Variants in PFAS observed in about 807,000 individuals in gnomAD.
The protein encoded by PFAS is FGAM synthase.
In PFAS, 97 loss-of-function variants were observed where a neutral mutation model predicts 140.6. That is an observed-to-expected ratio of 0.69 (90% CI 0.59 to 0.82). PFAS has a LOEUF of 0.82. PFAS is among the 40% of genes least tolerant of loss of function. The pLI is 0.00. For missense variants in PFAS, 1,656 were observed against 1,780.2 expected, an observed-to-expected ratio of 0.93 and a Z score of 1.26; for synonymous variants, 679 against 718.8, an observed-to-expected ratio of 0.94 and a Z score of 0.88.
chr17:8,255,734 G>C, intron 5 of PFAS, 43 bp downstream of exon 5: 11 of 1,604,962 alleles, frequency 6.9e-6, no homozygotes, highest in Non-Finnish European at 8.5e-6. Context: ...GGATAGGCCA[G>C]TAGGGGTGCT....
rs78296773 is a variant in PFAS, at chr17:8,264,644, G to T, written c.2049+43G>T. The T allele has an allele frequency of 0.2, 307,357 of 1,548,918 alleles. 33,439 individuals are homozygous for T. The highest frequency in any genetic ancestry group is 0.23 in the Non-Finnish European group (259,441 of 1,145,362). On this transcript the variant is annotated intron_variant, in intron 17 of 27. Transcript: ENST00000314666. ...CCTCTGCCCCCTGCCTCCTTCCTCCGCTCAGCCTCTTCTGCCCTCCCACCC... is the reference window on the plus strand; with the variant it reads ...CCTCTGCCCCCTGCCTCCTTCCTCCTCTCAGCCTCTTCTGCCCTCCCACCC...
chr17:8,264,741 C>A, intron 17 of PFAS, 140 bp downstream of exon 17: 1 of 1,030,120 alleles, frequency 9.7e-7, no homozygotes, highest in Non-Finnish European at 1.4e-6. Context: ...ACCCTGATGG[C>A]CTGGTCTCCC....
chr17:8,263,300 G>A (rs73247054), intron 13 of PFAS, 35 bp downstream of exon 13: 2 of 1,610,736 alleles, frequency 1.2e-6, no homozygotes, highest in African/African-American at 2.7e-5. Flanking sequence ...GACTGGGCCT[G>A]CCTGGTATCC....
chr17:8,262,168 A>G (rs1989619786), intron 11 of PFAS, among the ~76,000 whole-genome samples: 1 of 152,166 alleles, frequency 6.6e-6, no homozygotes, highest in South Asian at 2.1e-4. Flanking sequence ...AAATAATTTC[A>G]TATTGATGAA....
Position 8,267,639 on chromosome 17 carries a change from A to G in PFAS, c.3356A>G (p.Tyr1119Cys), listed in dbSNP as rs201172546. The G allele has an allele frequency of 1.9e-6, 3 of 1,606,682 alleles. No individual in the cohort carries two copies. The highest frequency in any genetic ancestry group is 1.7e-6 in the Non-Finnish European group (2 of 1,173,326). ...GTGGCCTTCGTGGGCGGCTTCAGCT[A>G]TGCAGATGTCCTGGGCTCTGCCAAA... Reference protein sequence around the residue: ...RGVAFVGGFSYADVLGSAKGW... With the variant: ...RGVAFVGGFSCADVLGSAKGW... The change falls in exon 26 of 28, where the codon TAT becomes TGT. Residue 1119 changes from tyrosine (Y) to cysteine (C), a missense_variant. Coordinates refer to ENST00000314666, the MANE Select transcript of PFAS (RefSeq NM_012393.3). The surrounding 1 kb of genome is among the most constrained non-coding windows in gnomAD (Gnocchi z 4.9).
chr17:8,253,981 A>G lies in PFAS; in HGVS notation c.44A>G (p.Glu15Gly). 1 of 1,614,026 alleles carries G rather than the reference A, an allele frequency of 6.2e-7. No homozygotes were observed. The highest frequency in any genetic ancestry group is 8.5e-7 in the Non-Finnish European group (1 of 1,179,978). Residue 15 changes from glutamate (E) to glycine (G), a missense_variant, in exon 2 of 28, where the codon GAG (glutamate) becomes GGG (glycine). Glu to Gly is a moderately conservative substitution (Grantham distance 98). This residue lies in a region of PFAS where 773 missense variants were observed against 757.3 expected (regional missense o/e 1.02). Transcript: ENST00000314666. The part of the protein sequence containing the change: ...LHFYVRPSGH[E>G]GAAPGHTRRK... ...TTCTATGTTCGTCCCTCTGGCCATG[A>G]GGGGGCAGCCCCTGGACACACTCGG...
chr17:8,264,385 C>G (rs763009665), intron 16 of PFAS, 48 bp downstream of exon 16: 1 of 1,612,196 alleles, frequency 6.2e-7, no homozygotes, highest in Non-Finnish European at 8.5e-7. Context: ...CTCTCCACAC[C>G]ACCCTTTACC....
chr17:8,256,216 G>A lies in PFAS; in HGVS notation c.681-51G>A, dbSNP rs543836971. ...TGCTGGTGAGAAGACATGGCATTAAGAAATGACCCCGTTTCCACCTGCCTT... is the reference window on the plus strand; with the variant it reads ...TGCTGGTGAGAAGACATGGCATTAAAAAATGACCCCGTTTCCACCTGCCTT... On this transcript the variant is annotated intron_variant, in intron 6 of 27. Transcript: ENST00000314666. 1.6e-5 allele frequency: 26 copies of A among 1,589,824 alleles called. No individual in the cohort carries two copies. The African/African-American group carries it at 3.0e-4, about 18-fold the overall frequency.
At chr17:8,251,276 C>A (rs1313804048) in intron 1 of PFAS, among the ~76,000 whole-genome samples, 1 of 151,880 alleles carries the variant, frequency 6.6e-6, no homozygotes, top group African/African-American at 2.4e-5. Flanking sequence ...CAGAGTGAGA[C>A]CCCATCTCAA....
intron 11 of PFAS, 109 bp from the exon 12 acceptor site, chr17:8,262,810 TG>T: frequency 1.2e-6 from 1 of 801,966 alleles, no homozygotes. Flanking sequence ...AAAAAAAAGC[TG>T]GTCAGGCTTC....
In PFAS at chr17:8,263,456, G is replaced by T; in HGVS notation, c.1568-119G>T. ...TGCCGTGGGATGATTGGTGGTAAGG[G>T]TGCGGCAGCAGTTGACACAGGAACA... is the stretch of plus-strand genomic sequence containing the variant. On this transcript the variant is annotated intron_variant, in intron 13 of 27. Coordinates refer to ENST00000314666, the MANE Select transcript of PFAS (RefSeq NM_012393.3). The T allele has an allele frequency of 5.8e-6, 6 of 1,036,770 alleles. No individual in the cohort carries two copies. The South Asian group carries it at 8.1e-5, about 14-fold the overall frequency. 64.2% of individuals were successfully genotyped at this position (1,036,770 alleles called of 1,614,324 possible).
Position 8,256,509 on chromosome 17 carries a change from C to G in PFAS, c.822-15C>G. 1.9e-6 allele frequency: 3 copies of G among 1,613,950 alleles called. No homozygotes were observed. The highest frequency in any genetic ancestry group is 2.5e-6 in the Non-Finnish European group (3 of 1,179,944). Reference sequence around the variant, plus strand: ...CCCAGAAAGGAAGCAAGGTCCATGACGGGTATGTCCACAGTGCAATCCAGG... The same window carrying G: ...CCCAGAAAGGAAGCAAGGTCCATGAGGGGTATGTCCACAGTGCAATCCAGG... On this transcript the variant is annotated splice_polypyrimidine_tract_variant and intron_variant, in intron 7 of 27. Transcript: ENST00000314666.
Position 8,267,330 on chromosome 17 carries a change from G to T in PFAS, c.3176-42G>T. 34 of 1,600,234 alleles carry T rather than the reference G, an allele frequency of 2.1e-5. No individual in the cohort carries two copies. Among genetic ancestry groups the T allele is most frequent in the Non-Finnish European group, 2.8e-5 (33 of 1,167,924 alleles). ...AAAGGTGTCTGGGGAGTTGGGGTGG[G>T]GAAGTGACTTTCTGGCCCAAAGACA... On this transcript the variant is annotated intron_variant, in intron 24 of 27. Coordinates refer to ENST00000314666, the MANE Select transcript of PFAS (RefSeq NM_012393.3). This position sits in a 1 kb window ranked among gnomAD's most constrained non-coding sequence, Gnocchi z 4.9.
At position 8,256,547 on chromosome 17, in the gene PFAS, G is replaced by T; in HGVS notation, c.845G>T (p.Arg282Leu). The change falls in exon 8 of 28, where the codon CGA becomes CTA. Residue 282 changes from arginine to leucine, a missense_variant. By Grantham distance (102) the Arg-to-Leu change is moderately radical. This residue lies in a region of PFAS where 773 missense variants were observed against 757.3 expected (regional missense o/e 1.02). Coordinates refer to ENST00000314666, the MANE Select transcript of PFAS (RefSeq NM_012393.3). ...AGTGCAATCCAGGGAAAGGAAGTCC[G>T]ATTCCTACGGCCTGAGGACCCCACA... is the stretch of plus-strand genomic sequence containing the variant. ...NSSAIQGKEV[R>L]FLRPEDPTRP... 6.2e-7 allele frequency: 1 copy of T among 1,614,130 alleles called. No individual in the cohort carries two copies. The highest frequency in any genetic ancestry group is 8.5e-7 in the Non-Finnish European group (1 of 1,180,038).
rs1356870394 is a variant in PFAS at position 8,256,496 on chromosome 17, G to A, written c.822-28G>A. On this transcript the variant is annotated intron_variant, in intron 7 of 27. Transcript: ENST00000314666. Reference sequence around the variant, plus strand: ...GGTTAGTGTAGGTCCCAGAAAGGAAGCAAGGTCCATGACGGGTATGTCCAC... The same window carrying A: ...GGTTAGTGTAGGTCCCAGAAAGGAAACAAGGTCCATGACGGGTATGTCCAC... 5.0e-6 allele frequency: 8 copies of A among 1,613,766 alleles called. No homozygotes were observed. The African/African-American group carries it at 9.3e-5, about 19-fold the overall frequency.
Position 8,256,267 on chromosome 17 carries a change from C to T in PFAS, c.681C>T (p.Ser227=), listed in dbSNP as rs558943027. 69 of 1,613,614 alleles carry T rather than the reference C, an allele frequency of 4.3e-5. No individual in the cohort carries two copies. Among genetic ancestry groups the T allele is most frequent in the East Asian group, 3.3e-4 (15 of 44,886 alleles). ...VEAFDLAQSN[S]EHSRHWFFKG... is the part of the protein sequence containing the mutation. Reference sequence around the variant, plus strand: ...CCCCTCCCTGCATCGCCCCCTGCAGCGAGCACAGCCGACACTGGTTCTTCA... The same window carrying T: ...CCCCTCCCTGCATCGCCCCCTGCAGTGAGCACAGCCGACACTGGTTCTTCA... The change falls in exon 7 of 28, where the codon AGC becomes AGT. Residue 227 remains serine (S), a splice_region_variant and synonymous_variant. Transcript: ENST00000314666.
In PFAS at chr17:8,267,367, C is replaced by G. The variant is rs370138200; in HGVS notation, c.3176-5C>G. ...CTGGCCCAAAGACACTTATTCTCCC[C>G]CAAGGTGGTCCCAGCCCCCGAGTCG... On this transcript the variant is annotated splice_polypyrimidine_tract_variant and splice_region_variant and intron_variant, in intron 24 of 27. Coordinates refer to ENST00000314666, the MANE Select transcript of PFAS (RefSeq NM_012393.3). This position sits in a 1 kb window ranked among gnomAD's most constrained non-coding sequence, Gnocchi z 4.9. The G allele has an allele frequency of 5.0e-6, 8 of 1,613,384 alleles. No individual in the cohort carries two copies. The highest frequency in any genetic ancestry group is 6.8e-6 in the Non-Finnish European group (8 of 1,179,634).
chr17:8,252,139 C>T (rs1314507077), intron 1 of PFAS, among the ~76,000 whole-genome samples: 5 of 151,204 alleles, frequency 3.3e-5, no homozygotes, highest in Admixed American at 6.6e-5. Flanking sequence ...ACTAATAATA[C>T]AAAAATTAGC....
intron 11 of PFAS, among the ~76,000 whole-genome samples, chr17:8,260,496 T>C (rs1174184284): frequency 2.0e-5 from 3 of 152,250 alleles, no homozygotes; most frequent in African/African-American, 7.2e-5. Flanking sequence ...CTGAATAATA[T>C]CCCATTATGT....
Sources: allele counts gnomAD v4.1 joint callset (sites outside exome capture counted in the v4.1 genomes callset), GRCh38; gene constraint gnomAD v4.1.1; regional missense constraint gnomAD v4.1.1; non-coding constraint Gnocchi (gnomAD v3.1); transcripts MANE v1.5; gene names NCBI Gene and HGNC (gene_info 2026-07-23, HGNC 2026-07-21).